Variants in PISD observed in about 807,000 individuals in gnomAD.
PISD encodes phosphatidylserine decarboxylase proenzyme, mitochondrial.
A neutral mutation model predicts 43.5 loss-of-function variants in PISD; 31 were observed. That is an observed-to-expected ratio of 0.71 (90% CI 0.54 to 0.96). The LOEUF (loss-of-function observed/expected upper bound fraction) is 0.96, where lower values mean the gene tolerates loss of function less well. PISD is among the 40% of genes least tolerant of loss of function. The pLI is 0.00. For synonymous variants in PISD, 259 were observed against 228.7 expected (o/e 1.13, Z -1.20); for missense variants, 523 against 548.4 (o/e 0.95, Z 0.46).
chr22:31,648,481 C>A (rs138348841), intron 2 of PISD, among the ~76,000 whole-genome samples: 3 of 151,836 alleles, frequency 2.0e-5, no homozygotes, highest in African/African-American at 7.3e-5. Flanking sequence ...ATCGAGACCA[C>A]GGTGAAACCC....
intron 3 of PISD, among the ~76,000 whole-genome samples, chr22:31,634,120 C>T (rs1267947854): frequency 1.3e-5 from 2 of 152,222 alleles, no homozygotes. Context: ...TGCACTACTT[C>T]TAAGGGGATG....
Position 31,618,502 on chromosome 22 carries a change from ATTTT to A in PISD, c.*1106_*1109del. On this transcript the variant is annotated 3_prime_UTR_variant, in exon 8 of 8. Coordinates refer to ENST00000439502, the MANE Select transcript of PISD (RefSeq NM_001326411.2). ...GGAACAGAACACAGTTTTAAGTTTG[ATTTT>A]TTTTATTTCAAAATGCTTTGCAATT... The A allele has an allele frequency of 1.6e-6, 2 of 1,280,876 alleles. No homozygotes were observed. Among genetic ancestry groups the A allele is most frequent in the Non-Finnish European group, 2.0e-6 (2 of 977,318 alleles). 79.3% of individuals were successfully genotyped at this position (1,280,876 alleles called of 1,614,324 possible). A position where few individuals can be genotyped will look rare whatever the true frequency, so the allele number is the denominator to read the frequency against.
In PISD at chr22:31,621,184, G is replaced by A. The variant is rs374736938; in HGVS notation, c.698-42C>T. The A allele has an allele frequency of 2.5e-6, 4 of 1,613,516 alleles. No individual in the cohort carries two copies. In the African/African-American group the frequency reaches 4.0e-5, roughly 16 times the overall value. On this transcript the variant is annotated intron_variant, in intron 5 of 7. Transcript: ENST00000439502. ...GACGTGGGGGCCACCAACACAGTGA[G>A]CACCCAGCACGGAGCCCGAGTGTGG... is the stretch of plus-strand genomic sequence containing the variant.
In PISD at chr22:31,621,860, G is replaced by C; in HGVS notation, c.347C>G (p.Thr116Arg). The change falls in exon 4 of 8, where the codon ACG becomes AGG. Residue 116 changes from threonine to arginine, a missense_variant. By Grantham distance (71) the Thr-to-Arg change is moderately conservative (BLOSUM62 -1). Coordinates refer to ENST00000439502, the MANE Select transcript of PISD (RefSeq NM_001326411.2). ...WEVALYKSVP[T>R]RLLSRAWGRL... The stretch of plus-strand genomic sequence containing the variant: ...ACCCCAGGCCCGTGACAGCAAGCGC[G>C]TTGGCACTGACTTGTACAAAGCCAC... The C allele has an allele frequency of 6.2e-7, 1 of 1,609,974 alleles. No homozygotes were observed. The highest frequency in any genetic ancestry group is 8.5e-7 in the Non-Finnish European group (1 of 1,179,982).
chr22:31,620,484 C>A (rs766105150), intron 7 of PISD, 69 bp downstream of exon 7: 7 of 1,508,410 alleles, frequency 4.6e-6, no homozygotes, highest in Non-Finnish European at 6.4e-6. Context: ...ATCCGCCGCA[C>A]AGCAGACAAG....
intron 3 of PISD, chr22:31,623,692 C>T (rs149109296): frequency 1.5e-5 from 25 of 1,612,996 alleles, no homozygotes; most frequent in East Asian, 2.2e-5. Flanking sequence ...ACCCTGCTTA[C>T]GGGCCTCCAT....
At chr22:31,619,984 G>A in intron 7 of PISD, 148 bp from the exon 8 acceptor site, 1 of 620,550 alleles carries the variant, frequency 1.6e-6, no homozygotes, top group South Asian at 2.0e-5. Flanking sequence ...TGGCATCTCA[G>A]GGCCAGGTGG....
chr22:31,630,984 C>T lies in PISD; in HGVS notation c.322-9099G>A. The T allele has an allele frequency of 2.0e-6, 1 of 489,060 alleles. No homozygotes were observed. The highest frequency in any genetic ancestry group is 2.7e-6 in the Non-Finnish European group (1 of 376,026). The allele number at this position is 489,060 out of a possible 1,614,324, so 30.3% of individuals were successfully genotyped here. A position where few individuals can be genotyped will look rare whatever the true frequency, so the allele number is the denominator to read the frequency against. On this transcript the variant is annotated intron_variant, in intron 3 of 7. Coordinates refer to ENST00000439502, the MANE Select transcript of PISD (RefSeq NM_001326411.2). This position sits in a 1 kb window ranked among gnomAD's most constrained non-coding sequence, Gnocchi z 4.4. ...CCCTCTGAGCCCCAGTCCTGCTGGG[C>T]CGTCCGCCCAACCCGAGGGCCCCTT...
At chr22:31,637,164 A>AAAATAT (rs1569487518) in intron 3 of PISD, among the ~76,000 whole-genome samples, 2 of 13,644 alleles carry the variant, frequency 1.5e-4, no homozygotes, top group Non-Finnish European at 2.5e-4. Context: ...AAAAAAAAAA[A>AAAATAT]ATATATATAT....
Position 31,630,098 on chromosome 22 carries a change from A to C in PISD, c.322-8213T>G, listed in dbSNP as rs918382752. The C allele has an allele frequency of 6.6e-6, 1 of 152,018 alleles. No homozygotes were observed. Among genetic ancestry groups the C allele is most frequent in the Non-Finnish European group, 1.5e-5 (1 of 68,048 alleles). 9.4% of individuals were successfully genotyped at this position (152,018 alleles called of 1,614,324 possible). On this transcript the variant is annotated intron_variant, in intron 3 of 7. Coordinates refer to ENST00000439502, the MANE Select transcript of PISD (RefSeq NM_001326411.2). The surrounding 1 kb of genome is among the most constrained non-coding windows in gnomAD (Gnocchi z 4.4). ...CAACCCTGCCTTCCCTGCATTCCTG[A>C]GCTAGAAGCAGGCAAACTTCCCAAG...
intron 3 of PISD, among the ~76,000 whole-genome samples, chr22:31,624,904 T>G (rs1224725651): frequency 2.0e-5 from 3 of 152,072 alleles, no homozygotes; most frequent in Non-Finnish European, 4.4e-5. Context: ...AACCCTGGCC[T>G]CCTGCGCCTA....
intron 3 of PISD, among the ~76,000 whole-genome samples, chr22:31,633,744 C>T (rs1339567123): frequency 3.9e-5 from 6 of 151,982 alleles, no homozygotes; most frequent in South Asian, 2.1e-4. Flanking sequence ...AACAAACAAA[C>T]GAAACCCATA....
chr22:31,639,505 G>C (rs7291941), intron 3 of PISD, among the ~76,000 whole-genome samples: 1 of 152,142 alleles, frequency 6.6e-6, no homozygotes, highest in Non-Finnish European at 1.5e-5. Context: ...TGGGATCACA[G>C]GCATGAGCCA....
intron 3 of PISD, among the ~76,000 whole-genome samples, chr22:31,627,114 T>G (rs750661265): frequency 1.3e-5 from 2 of 152,182 alleles, no homozygotes; most frequent in Non-Finnish European, 2.9e-5. Flanking sequence ...AAGCCCCGGG[T>G]ATGAGATTCA....
At chr22:31,655,316 C>CTT (rs58895520) in intron 1 of PISD, among the ~76,000 whole-genome samples, 1 of 145,124 alleles carries the variant, frequency 6.9e-6, no homozygotes. Flanking sequence ...GTACAACCCC[C>CTT]TTTTTTTTTT....
At chr22:31,662,352 C>A, upstream of PISD, 1 of 768,934 alleles carries the variant, frequency 1.3e-6, no homozygotes, top group Non-Finnish European at 2.2e-6. Context: ...GTGGCTACTC[C>A]CCACCTAACC....
chr22:31,632,169 CCT>C (rs1044482527), intron 3 of PISD: 2 of 921,352 alleles, frequency 2.2e-6, no homozygotes, highest in African/African-American at 3.6e-5. Context: ...GCCCCATACA[CCT>C]GTCGTCCTTA....
intron 3 of PISD, among the ~76,000 whole-genome samples, chr22:31,640,369 G>A (rs1386799513): frequency 6.6e-6 from 1 of 150,672 alleles, no homozygotes; most frequent in Middle Eastern, 3.5e-3. Context: ...GTTGATTTTT[G>A]TATTTTGAGC....
At chr22:31,637,730 T>C (rs1315266719) in intron 3 of PISD, among the ~76,000 whole-genome samples, 1 of 152,194 alleles carries the variant, frequency 6.6e-6, no homozygotes, top group East Asian at 1.9e-4. Context: ...CCATGCTGAC[T>C]CAGTCTGGGG....
Sources: gnomAD v4.1 joint callset for allele counts (sites outside exome capture counted in the v4.1 genomes callset) on GRCh38, gnomAD v4.1.1 for gene constraint, Gnocchi (gnomAD v3.1) non-coding constraint, MANE v1.5 for transcripts, NCBI Gene and HGNC (gene_info 2026-07-23, HGNC 2026-07-21) for gene names.